SPRY3: variants seen among roughly 807,000 people sequenced by gnomAD.
SPRY3 encodes protein sprouty homolog 3.
In SPRY3, 15 loss-of-function variants were observed where a neutral mutation model predicts 20.2. That is an observed-to-expected ratio of 0.74 (90% CI 0.50 to 1.14). SPRY3 has a LOEUF of 1.14. SPRY3 is among the 50% of genes most tolerant of loss of function. SPRY3 has a pLI of 0.00. For synonymous variants in SPRY3, 143 were observed against 136.5 expected, an observed-to-expected ratio of 1.05 and a Z score of -0.33; for missense variants, 364 against 363.9, an observed-to-expected ratio of 1.00 and a Z score of 0.00.
intron 2 of SPRY3, among the ~76,000 whole-genome samples, chrX:155,767,221 C>T (rs1409042989): frequency 6.6e-6 from 1 of 151,680 alleles, no homozygotes. Context: ...GCCAACGACA[C>T]GCGGGGGGAG....
intron 3 of SPRY3, 66 bp from the exon 3 acceptor site, chrX:155,773,700 T>C (rs2091398731): frequency 5.6e-6 from 4 of 710,438 alleles, no homozygotes; most frequent in South Asian, 1.9e-5. Flanking sequence ...CTGAGCTTTG[T>C]TGGTTTCTTG....
At chrX:155,760,965 C>G (rs4893816) in intron 2 of SPRY3, among the ~76,000 whole-genome samples, 17,564 of 152,112 alleles carry the variant, frequency 0.12, 1,071 homozygotes, top group Non-Finnish European at 0.13. Flanking sequence ...GAATTTGTCT[C>G]TAATATTGAA....
intron 2 of SPRY3, among the ~76,000 whole-genome samples, chrX:155,739,184 T>A (rs1358625439): frequency 6.6e-6 from 1 of 152,068 alleles, no homozygotes; most frequent in Non-Finnish European, 1.5e-5. Context: ...CTGTGCCGGA[T>A]CATGGCCAGA....
intron 2 of SPRY3, among the ~76,000 whole-genome samples, chrX:155,727,884 T>G (rs779057532): frequency 6.6e-6 from 1 of 152,318 alleles, no homozygotes; most frequent in South Asian, 2.1e-4. Context: ...AGAGGCACTC[T>G]GATTTTTAGA....
At chrX:155,686,635 T>G in intron 2 of SPRY3, among the ~76,000 whole-genome samples, 1 of 111,526 alleles carries the variant, frequency 9.0e-6, no homozygotes, top group East Asian at 2.8e-4. Context: ...CTCCCAGTAT[T>G]TTTCTGTTCC....
intron 2 of SPRY3, among the ~76,000 whole-genome samples, chrX:155,732,850 G>A (rs780665623): frequency 5.5e-4 from 84 of 152,004 alleles, no homozygotes; most frequent in African/African-American, 2.0e-3. Flanking sequence ...TTGCAACAAC[G>A]TGGATGGCAC....
At chrX:155,650,882 C>A (rs1398091837) in intron 1 of SPRY3, among the ~76,000 whole-genome samples, 1 of 111,868 alleles carries the variant, frequency 8.9e-6, no homozygotes, top group Non-Finnish European at 1.9e-5. Context: ...GTACAGAATT[C>A]TTCAATAGCA....
At chrX:155,761,859 C>T (rs2091305578) in intron 2 of SPRY3, among the ~76,000 whole-genome samples, 1 of 151,630 alleles carries the variant, frequency 6.6e-6, no homozygotes, top group Non-Finnish European at 1.5e-5. Flanking sequence ...CTTCTTTATC[C>T]TTTTGCTCTC....
intron 2 of SPRY3, among the ~76,000 whole-genome samples, chrX:155,722,594 C>A (rs2091067107): frequency 6.6e-6 from 1 of 150,908 alleles, no homozygotes; most frequent in South Asian, 2.2e-4. Flanking sequence ...CATGAAAGAA[C>A]ACACGAAGGA....
chrX:155,706,792 A>G (rs1310922127), intron 2 of SPRY3, among the ~76,000 whole-genome samples: 2 of 150,962 alleles, frequency 1.3e-5, no homozygotes, highest in Admixed American at 6.6e-5. Context: ...TCATCCAAGA[A>G]GAAATAACCA....
At chrX:155,667,669 A>G (rs142099430) in intron 2 of SPRY3, among the ~76,000 whole-genome samples, 1,458 of 111,154 alleles carry the variant, frequency 0.013, 25 homozygotes, top group African/African-American at 0.045. Flanking sequence ...TACCATTAAT[A>G]GAGAGAAAAG....
intron 2 of SPRY3, chrX:155,767,697 G>GA (rs1190363096): frequency 1.5e-5 from 2 of 137,476 alleles, no homozygotes; most frequent in Non-Finnish European, 3.2e-5. Flanking sequence ...CGGAGGAGGA[G>GA]GAGAAAGAAG....
intron 2 of SPRY3, among the ~76,000 whole-genome samples, chrX:155,659,108 T>C (rs868975669): frequency 4.5e-5 from 3 of 66,879 alleles, no homozygotes; most frequent in African/African-American, 2.1e-4. Flanking sequence ...TTCTTTCTTC[T>C]TTCTTTCTTT....
chrX:155,700,767 CT>C (rs1396921669), intron 2 of SPRY3, among the ~76,000 whole-genome samples: 1 of 55,504 alleles, frequency 1.8e-5, no homozygotes, highest in Non-Finnish European at 3.0e-5. Context: ...CCCCCCTCCC[CT>C]GACCCCACCA....
At chrX:155,705,119 CT>C (rs1282849019) in intron 2 of SPRY3, among the ~76,000 whole-genome samples, 1 of 151,234 alleles carries the variant, frequency 6.6e-6, no homozygotes, top group Admixed American at 6.6e-5. Context: ...AATTATTTTT[CT>C]TATTTGTATT....
chrX:155,646,413 A>G (rs1165851847), intron 1 of SPRY3, among the ~76,000 whole-genome samples: 1 of 111,982 alleles, frequency 8.9e-6, no homozygotes, highest in South Asian at 3.7e-4. Flanking sequence ...AAAATTTCCA[A>G]TCCATGAAGT....
chrX:155,771,873 A>T (rs776500355), intron 3 of SPRY3, among the ~76,000 whole-genome samples: 1 of 152,308 alleles, frequency 6.6e-6, no homozygotes, highest in African/African-American at 2.4e-5. Flanking sequence ...AAGGACTTGA[A>T]GATGTAGAAG....
chrX:155,769,552 A>G (rs765429965), intron 3 of SPRY3, among the ~76,000 whole-genome samples: 34 of 149,530 alleles, frequency 2.3e-4, no homozygotes, highest in African/African-American at 8.3e-4. Context: ...TAAAAAAAAA[A>G]TCCTACTTCT....
intron 2 of SPRY3, among the ~76,000 whole-genome samples, chrX:155,737,276 T>A (rs1400359959): frequency 1.3e-5 from 2 of 152,146 alleles, no homozygotes; most frequent in African/African-American, 4.8e-5. Flanking sequence ...GATGGGCATC[T>A]AGATTGATTC....
Sources: allele counts gnomAD v4.1 joint callset (sites outside exome capture counted in the v4.1 genomes callset), GRCh38; gene constraint gnomAD v4.1.1; transcripts MANE v1.5; gene names NCBI Gene and HGNC (gene_info 2026-07-23, HGNC 2026-07-21).